LMO7: variants seen among roughly 807,000 people sequenced by gnomAD.
LMO7 encodes the protein LIM domain 7, also known as LIM domain only protein 7.
A neutral mutation model predicts 206.5 loss-of-function variants in LMO7; 120 were observed. That is an observed-to-expected ratio of 0.58 (90% CI 0.50 to 0.68). LMO7 has a LOEUF of 0.68. Among genes scored for constraint, LMO7 ranks in the 30% least tolerant of loss-of-function variants. LMO7 has a pLI of 0.00. For synonymous variants in LMO7, 706 were observed against 681.5 expected (o/e 1.04, Z -0.56); for missense variants, 1,959 against 1,957.9 (o/e 1.00, Z -0.01).
At chr13:75,755,742 C>T (rs527925098) in intron 3 of LMO7, among the ~76,000 whole-genome samples, 1 of 152,318 alleles carries the variant, frequency 6.6e-6, no homozygotes, top group African/African-American at 2.4e-5. Context: ...TGGTAGCCAG[C>T]TTCCAAAATG....
chr13:75,854,138 T>C (rs2060728965), intron 28 of LMO7, among the ~76,000 whole-genome samples: 1 of 152,124 alleles, frequency 6.6e-6, no homozygotes, highest in Non-Finnish European at 1.5e-5. Context: ...CTCATGTAAG[T>C]ATATGGGGCA....
intron 1 of LMO7, among the ~76,000 whole-genome samples, chr13:75,708,578 C>T (rs1280628838): frequency 3.9e-5 from 6 of 152,126 alleles, no homozygotes; most frequent in African/African-American, 1.2e-4. Context: ...TTTGGCTATG[C>T]GTAGGAGTTT....
intron 15 of LMO7, among the ~76,000 whole-genome samples, chr13:75,826,535 C>T (rs900313238): frequency 3.9e-5 from 6 of 152,124 alleles, no homozygotes; most frequent in Non-Finnish European, 8.8e-5. Context: ...GAATGGAGTT[C>T]GTGGCGCTCA....
rs2138980678 is a variant in LMO7 at position 75,735,712 on chromosome 13, G to A, written c.210+8614G>A. 2.6e-5 allele frequency among the ~76,000 whole-genome samples: 4 copies of A among 151,814 alleles called. No individual in the cohort carries two copies. In the Middle Eastern group the frequency reaches 0.014, roughly 523 times the overall value. ...GGTAGTCTTGATCTCCTGACCTTGG[G>A]ATTTGCCCGCCTCGGCCTCCCAAAG... is the stretch of plus-strand genomic sequence containing the variant. On this transcript the variant is annotated intron_variant, in intron 3 of 30. Transcript: ENST00000377534.
In LMO7 at chr13:75,620,963, G is replaced by A. The variant is rs576216046; in HGVS notation, c.-731G>A. On this transcript the variant is annotated 5_prime_UTR_variant, in exon 1 of 30. Transcript: ENST00000341547. The stretch of plus-strand genomic sequence containing the variant: ...TAGGATCTCTAACAATTATGTAAAA[G>A]TCATTGCTTCATGGGTAGAGCTCAA... The A allele has an allele frequency of 1.2e-4, 19 of 152,254 alleles. 1 individual carries two copies. In the South Asian group the frequency reaches 3.7e-3, roughly 30 times the overall value. The allele number at this position is 152,254 out of a possible 1,614,324, so 9.4% of individuals were successfully genotyped here.
rs575159286 is a variant in LMO7 at position 75,786,606 on chromosome 13, T to C, written c.318-8795T>C. Among the ~76,000 whole-genome samples the C allele has an allele frequency of 1.5e-3, 233 of 152,070 alleles. 1 individual carries two copies. The highest frequency in any genetic ancestry group is 2.4e-3 in the Non-Finnish European group (160 of 67,960). ...TTCACCGTGTTAGCCAGGATGGTCT[T>C]GATCTCCTGACCTCATGATCTGCCC... On this transcript the variant is annotated intron_variant, in intron 4 of 30. Transcript: ENST00000377534.
intron 27 of LMO7, among the ~76,000 whole-genome samples, chr13:75,849,819 A>T (rs538313818): frequency 9.2e-5 from 14 of 152,314 alleles, no homozygotes; most frequent in African/African-American, 3.4e-4. Flanking sequence ...ATTTTAAAAG[A>T]TGTATCTTGG....
chr13:75,853,210 C>T lies in LMO7; in HGVS notation c.4483C>T (p.Pro1495Ser), dbSNP rs779907419. 35 of 1,614,052 alleles carry T rather than the reference C, an allele frequency of 2.2e-5. No individual in the cohort carries two copies. In the Admixed American group the frequency reaches 5.7e-4, roughly 26 times the overall value. Reference protein sequence around the residue: ...SSSVQDFSRPPPQLVSTSNRA... With the variant: ...SSSVQDFSRPSPQLVSTSNRA... ...CTCTGTGCAAGACTTTAGTCGCCCA[C>T]CACCTCAGCTGGTGTCCACATCAAA... Residue 1495 changes from proline (P) to serine (S), a missense_variant, in exon 28 of 31, where the codon CCA (proline) becomes TCA (serine). Transcript: ENST00000377534.
chr13:75,677,679 A>T lies in LMO7; in HGVS notation c.70-35503A>T, dbSNP rs775251597. On this transcript the variant is annotated intron_variant, in intron 1 of 30. Coordinates refer to ENST00000377534, the MANE Select transcript of LMO7 (RefSeq NM_001306080.2). ...TATTATACTTTAAGTTCTAGGGTAC[A>T]TGTGCACAATGTGCAGGTTTGTTAC... 8.7e-4 allele frequency among the ~76,000 whole-genome samples: 131 copies of T among 150,934 alleles called. 1 individual carries two copies. The highest frequency in any genetic ancestry group is 1.9e-3 in the Admixed American group (29 of 15,132).
chr13:75,766,257 T>TTA (rs1491105891), intron 4 of LMO7, among the ~76,000 whole-genome samples: 11 of 122,308 alleles, frequency 9.0e-5, no homozygotes, highest in Non-Finnish European at 1.4e-4. Context: ...TTTTTTTTTT[T>TTA]ATGTGAGCTT....
intron 1 of LMO7, among the ~76,000 whole-genome samples, chr13:75,681,183 A>T (rs1044472820): frequency 6.6e-6 from 1 of 152,096 alleles, no homozygotes; most frequent in Non-Finnish European, 1.5e-5. Flanking sequence ...CCATTTGCCA[A>T]TTCTTACTTT....
At chr13:75,687,586 A>G (rs990007610) in intron 1 of LMO7, among the ~76,000 whole-genome samples, 1 of 151,992 alleles carries the variant, frequency 6.6e-6, no homozygotes, top group African/African-American at 2.4e-5. Context: ...GTGTACCTGT[A>G]TATAGCACTT....
At chr13:75,760,025 A>G (rs987945577) in intron 3 of LMO7, among the ~76,000 whole-genome samples, 3 of 151,820 alleles carry the variant, frequency 2.0e-5, no homozygotes, top group African/African-American at 7.3e-5. Context: ...GATTGTCACA[A>G]GTTCAACCCC....
intron 1 of LMO7, among the ~76,000 whole-genome samples, chr13:75,681,823 CTGT>C (rs1390506206): frequency 4.0e-5 from 6 of 148,684 alleles, no homozygotes; most frequent in African/African-American, 1.2e-4. Flanking sequence ...CATATCCGTA[CTGT>C]TGTTTCTATC....
At chr13:75,706,588 C>T (rs2042675649) in intron 1 of LMO7, among the ~76,000 whole-genome samples, 1 of 152,108 alleles carries the variant, frequency 6.6e-6, no homozygotes, top group African/African-American at 2.4e-5. Flanking sequence ...CTCTGTCTCT[C>T]ACACCTACAC....
Position 75,776,162 on chromosome 13 carries a change from G to GATATATATATATATATATAT in LMO7, c.317+15148_317+15167dup, listed in dbSNP as rs58964680. On this transcript the variant is annotated intron_variant, in intron 4 of 30. Transcript: ENST00000377534. ...ATATATATGCCATGTATATATATCG[G>GATATATATATATATATATAT]ATATATATATATATATATATATATA... 4.9e-4 allele frequency among the ~76,000 whole-genome samples: 18 copies of GATATATATATATATATATAT among 36,844 alleles called. 2 individuals carry two copies. The highest frequency in any genetic ancestry group is 1.1e-3 in the Admixed American group (3 of 2,834). The allele number at this position is 36,844 out of a possible 152,430, so 24.2% of individuals were successfully genotyped here. A position where few individuals can be genotyped will look rare whatever the true frequency, so the allele number is the denominator to read the frequency against.
At chr13:75,636,781 C>G (rs1482255170) in intron 1 of LMO7, 55 bp downstream of exon 1, 4 of 1,524,186 alleles carry the variant, frequency 2.6e-6, no homozygotes, top group Non-Finnish European at 3.6e-6. Flanking sequence ...TCGGGGCGGT[C>G]GTCGCGAGGT....
At chr13:75,796,885 T>C in intron 6 of LMO7, 136 bp downstream of exon 6, 6 of 622,150 alleles carry the variant, frequency 9.6e-6, no homozygotes, top group South Asian at 8.5e-5. Flanking sequence ...CTACTATCAA[T>C]TGGGCTGAGT....
In LMO7 at chr13:75,757,819, TG is replaced by T. The variant is rs1433307766; in HGVS notation, c.211-3112del. Among the ~76,000 whole-genome samples, 5 of 146,566 alleles carry T rather than the reference TG, an allele frequency of 3.4e-5. No individual in the cohort carries two copies. In the South Asian group the frequency reaches 1.1e-3, roughly 31 times the overall value. On this transcript the variant is annotated intron_variant, in intron 3 of 30. Coordinates refer to ENST00000377534, the MANE Select transcript of LMO7 (RefSeq NM_001306080.2). ...GTGTGTGTGTGTGTGTGTGTGTGTG[TG>T]TGTGTGTGTGTGTGTGTGTGTATGT...
Sources: gnomAD v4.1 joint callset for allele counts (sites outside exome capture counted in the v4.1 genomes callset) on GRCh38, gnomAD v4.1.1 for gene constraint, MANE v1.5 for transcripts, NCBI Gene and HGNC (gene_info 2026-07-23, HGNC 2026-07-21) for gene names.